Variants in NME8 observed in about 807,000 individuals in gnomAD.
The protein encoded by NME8 is protein NME8.
A neutral mutation model predicts 82.3 loss-of-function variants in NME8; 72 were observed. The ratio of observed to expected loss-of-function variants is 0.87; its 90% CI spans 0.72 to 1.06. The LOEUF is 1.06. NME8 is among the 50% of genes least tolerant of loss of function. NME8 has a pLI of 0.00. For synonymous variants in NME8, 267 were observed against 228.5 expected, an observed-to-expected ratio of 1.17 and a Z score of -1.52; for missense variants, 712 against 685.4, an observed-to-expected ratio of 1.04 and a Z score of -0.43.
intron 13 of NME8, among the ~76,000 whole-genome samples, chr7:37,884,682 C>T (rs577703345): frequency 1.3e-5 from 2 of 152,286 alleles, no homozygotes; most frequent in East Asian, 3.9e-4. Context: ...TTACTGGAGT[C>T]CCATTGAGTT....
intron 12 of NME8, among the ~76,000 whole-genome samples, chr7:37,883,846 GTAT>G (rs1478625246): frequency 3.9e-5 from 6 of 152,122 alleles, no homozygotes; most frequent in Non-Finnish European, 1.5e-5. Flanking sequence ...ATACCTTCAG[GTAT>G]TCAATCACCT....
rs540828751 is a variant in NME8, at chr7:37,851,252, G to A, written c.198+517G>A. 4.6e-5 allele frequency among the ~76,000 whole-genome samples: 7 copies of A among 152,140 alleles called. No individual in the cohort carries two copies. The East Asian group carries it at 1.2e-3, about 25-fold the overall frequency. ...AAAATGATCAACTAATTAGAATTTC[G>A]TTGTCCAACATGGTAGCTACTAGGC... On this transcript the variant is annotated intron_variant, in intron 5 of 17. Transcript: ENST00000199447.
At chr7:37,890,128 A>G (rs1785106435) in intron 15 of NME8, among the ~76,000 whole-genome samples, 1 of 151,850 alleles carries the variant, frequency 6.6e-6, no homozygotes, top group Admixed American at 6.6e-5. Context: ...TATTATTTGC[A>G]TTTGCCTTGT....
chr7:37,899,905 G>A (rs1414534777), intron 17 of NME8, among the ~76,000 whole-genome samples: 1 of 152,062 alleles, frequency 6.6e-6, no homozygotes, highest in Non-Finnish European at 1.5e-5. Context: ...AGAAGGAGCT[G>A]CACAATCTGT....
intron 6 of NME8, among the ~76,000 whole-genome samples, chr7:37,861,489 T>C (rs1257159144): frequency 6.6e-6 from 1 of 152,194 alleles, no homozygotes; most frequent in African/African-American, 2.4e-5. Context: ...TGCACCACTC[T>C]TGGTAGCACC....
At chr7:37,866,994 T>C (rs1784692708) in intron 10 of NME8, among the ~76,000 whole-genome samples, 1 of 152,188 alleles carries the variant, frequency 6.6e-6, no homozygotes, top group Non-Finnish European at 1.5e-5. Context: ...TTTTACTGAA[T>C]ACACGATTTA....
intron 11 of NME8, among the ~76,000 whole-genome samples, chr7:37,875,451 T>C (rs950621870): frequency 7.0e-6 from 1 of 142,126 alleles, no homozygotes; most frequent in African/African-American, 2.5e-5. Flanking sequence ...CCACACACAT[T>C]GGGGGATGAA....
Position 37,894,718 on chromosome 7 carries a change from A to C in NME8, c.1544+108A>C, listed in dbSNP as rs77668204. ...TAAAACATTTCATCTAATCTCATTC[A>C]TGAAAAGACATTCTGCTAACATTCA... On this transcript the variant is annotated intron_variant, in intron 16 of 17. Transcript: ENST00000199447. 32,081 of 1,085,938 alleles carry C rather than the reference A, an allele frequency of 0.03. 1,019 individuals carry two copies. The highest frequency in any genetic ancestry group is 0.17 in the East Asian group (6,538 of 38,222). 67.3% of individuals were successfully genotyped at this position (1,085,938 alleles called of 1,614,324 possible).
intron 16 of NME8, 148 bp from the exon 17 acceptor site, chr7:37,896,722 A>T: frequency 1.4e-6 from 1 of 696,544 alleles, no homozygotes; most frequent in East Asian, 2.5e-5. Flanking sequence ...GGGAGAAATG[A>T]AAAAAAGAAA....
At chr7:37,873,591 A>G (rs75440787) in intron 11 of NME8, among the ~76,000 whole-genome samples, 2,458 of 151,682 alleles carry the variant, frequency 0.016, 28 homozygotes, top group Middle Eastern at 0.038. Context: ...AGATTTGTCC[A>G]TGATGTTCTC....
chr7:37,865,118 G>A (rs1784658077), intron 9 of NME8, among the ~76,000 whole-genome samples: 1 of 152,128 alleles, frequency 6.6e-6, no homozygotes, highest in East Asian at 1.9e-4. Context: ...GTCCCCCAAA[G>A]TCTTAACTCA....
chr7:37,850,807 A>C (rs913747487), intron 5 of NME8, 72 bp downstream of exon 5: 15 of 973,392 alleles, frequency 1.5e-5, no homozygotes, highest in Middle Eastern at 3.1e-4. Context: ...CTAATACTTT[A>C]AGTATTGTCT....
chr7:37,894,767 T>C (rs1785194349), intron 16 of NME8, among the ~76,000 whole-genome samples, 157 bp downstream of exon 16: 1 of 152,070 alleles, frequency 6.6e-6, no homozygotes, highest in Non-Finnish European at 1.5e-5. Flanking sequence ...TTCTATTTCC[T>C]TACCTCCCTC....
intron 14 of NME8, 98 bp downstream of exon 14, chr7:37,885,350 G>T: frequency 1.2e-6 from 1 of 803,252 alleles, no homozygotes; most frequent in Admixed American, 2.0e-5. Context: ...TAGTCCAAGG[G>T]AGCTTCTCAG....
chr7:37,883,221 T>G (rs1047754262), intron 12 of NME8, among the ~76,000 whole-genome samples: 3 of 152,184 alleles, frequency 2.0e-5, no homozygotes, highest in African/African-American at 7.2e-5. Flanking sequence ...TGGCAATTGC[T>G]TGGGGATTGG....
At chr7:37,896,800 T>A (rs992714644) in intron 16 of NME8, 70 bp from the exon 17 acceptor site, 6 of 1,309,038 alleles carry the variant, frequency 4.6e-6, no homozygotes, top group African/African-American at 1.4e-5. Flanking sequence ...CAGTGTTCTG[T>A]CTTTAGCCTT....
intron 17 of NME8, among the ~76,000 whole-genome samples, chr7:37,899,553 G>A (rs565578005): frequency 2.0e-5 from 3 of 152,156 alleles, no homozygotes; most frequent in African/African-American, 7.2e-5. Context: ...GAGAGCATCA[G>A]GAAGAATAGC....
intron 12 of NME8, among the ~76,000 whole-genome samples, chr7:37,883,518 G>A (rs527263413): frequency 1.3e-5 from 2 of 152,108 alleles, no homozygotes; most frequent in South Asian, 2.1e-4. Flanking sequence ...TTTTGGCCTC[G>A]ATAAGGAGCT....
intron 7 of NME8, 115 bp from the exon 8 acceptor site, chr7:37,863,281 T>G: frequency 1.5e-6 from 1 of 685,742 alleles, no homozygotes; most frequent in South Asian, 1.6e-5. Context: ...TCTTCCACTT[T>G]ACTTTCTATT....
Sources: gnomAD v4.1 joint callset for allele counts (sites outside exome capture counted in the v4.1 genomes callset) on GRCh38, gnomAD v4.1.1 for gene constraint, MANE v1.5 for transcripts, NCBI Gene and HGNC (gene_info 2026-07-23, HGNC 2026-07-21) for gene names.